FER1L6: variants seen among roughly 807,000 people sequenced by gnomAD.
FER1L6 encodes the protein fer-1 like family member 6, also known as fer-1-like protein 6.
In FER1L6, 177 loss-of-function variants were observed where a neutral mutation model predicts 219.2. That is an observed-to-expected ratio of 0.81 (90% CI 0.71 to 0.91). The LOEUF is 0.91. Among genes scored for constraint, FER1L6 ranks in the 40% least tolerant of loss-of-function variants. The pLI is 0.00. For synonymous variants in FER1L6, 768 were observed against 824.3 expected (o/e 0.93, Z 1.17); for missense variants, 2,153 against 2,259.9 (o/e 0.95, Z 0.96).
intron 1 of FER1L6, among the ~76,000 whole-genome samples, chr8:123,932,485 A>G (rs1026132747): frequency 6.6e-6 from 1 of 152,210 alleles, no homozygotes; most frequent in African/African-American, 2.4e-5. Flanking sequence ...CATAAGTTTT[A>G]ATATAAATTC....
chr8:123,916,707 G>A (rs1164744652), intron 1 of FER1L6, among the ~76,000 whole-genome samples: 2 of 152,162 alleles, frequency 1.3e-5, no homozygotes, highest in Non-Finnish European at 2.9e-5. Flanking sequence ...CATTTGGATG[G>A]TTATATTAGT....
chr8:123,938,055 T>C (rs959858461), intron 1 of FER1L6, among the ~76,000 whole-genome samples: 1 of 152,228 alleles, frequency 6.6e-6, no homozygotes, highest in Non-Finnish European at 1.5e-5. Flanking sequence ...TATTACATTG[T>C]AGGTCATCAA....
chr8:124,022,767 A>G (rs1202150974), intron 17 of FER1L6, among the ~76,000 whole-genome samples: 5 of 152,196 alleles, frequency 3.3e-5, no homozygotes, highest in Non-Finnish European at 7.3e-5. Context: ...CATTATTACA[A>G]GATTGGAAAA....
rs1018495793 is a variant in FER1L6, at chr8:124,071,650, C to T, written c.4092+19C>T. The T allele has an allele frequency of 6.2e-7, 1 of 1,606,094 alleles. No individual in the cohort carries two copies. Among genetic ancestry groups the T allele is most frequent in the Admixed American group, 1.7e-5 (1 of 59,838 alleles). ...TGTCGCGGTGAGCCATTCTTGTTTG[C>T]TCTGAGGGGGTGTATTTATCTGCTC... On this transcript the variant is annotated intron_variant, in intron 31 of 40. Coordinates refer to ENST00000522917, the MANE Select transcript of FER1L6 (RefSeq NM_001039112.2).
intron 1 of FER1L6, among the ~76,000 whole-genome samples, chr8:123,947,460 T>C (rs1814552075): frequency 6.6e-6 from 1 of 152,200 alleles, no homozygotes; most frequent in South Asian, 2.1e-4. Context: ...CTTTTGCCTG[T>C]GTTCTCATTC....
chr8:124,020,730 C>G (rs983821482), intron 16 of FER1L6, among the ~76,000 whole-genome samples: 1 of 152,074 alleles, frequency 6.6e-6, no homozygotes, highest in African/African-American at 2.4e-5. Flanking sequence ...GCTTCCTCAG[C>G]TGTAAAATGG....
chr8:124,012,815 G>C (rs1220766297), intron 14 of FER1L6, among the ~76,000 whole-genome samples: 1 of 152,186 alleles, frequency 6.6e-6, no homozygotes, highest in African/African-American at 2.4e-5. Context: ...TTCTAGCAAA[G>C]GAGTAGTAAC....
chr8:123,939,088 T>G (rs554480839), intron 1 of FER1L6: 1 of 756,334 alleles, frequency 1.3e-6, no homozygotes, highest in Non-Finnish European at 1.6e-6. Context: ...TGAGGCTGTG[T>G]AGTAATGCCA....
rs144050772 is a variant in FER1L6, at chr8:124,039,639, A to G, written c.2465-243A>G. ...CTATTTCGCATGGTTTTAGTGAAGA[A>G]TAAGACACATAACCTGGTGAAAGCA... On this transcript the variant is annotated intron_variant, in intron 19 of 40. Transcript: ENST00000522917. Among the ~76,000 whole-genome samples, 709 of 152,330 alleles carry G rather than the reference A, an allele frequency of 4.7e-3. 5 individuals carry two copies. Among genetic ancestry groups the G allele is most frequent in the African/African-American group, 0.016 (685 of 41,580 alleles).
intron 34 of FER1L6, among the ~76,000 whole-genome samples, chr8:124,093,216 C>T (rs748103668): frequency 6.6e-6 from 1 of 151,954 alleles, no homozygotes; most frequent in Non-Finnish European, 1.5e-5. Flanking sequence ...TGAGAAACTG[C>T]CCCCATGATC....
Position 123,898,148 on chromosome 8 carries a change from GTTA to G in FER1L6, c.-8+45968_-8+45970del, listed in dbSNP as rs572440727. ...ATTTAAGTGTAAAAATAAAAAATCA[GTTA>G]TTATATATGTTTTAACAGATTTTTC... is the stretch of plus-strand genomic sequence containing the variant. On this transcript the variant is annotated intron_variant, in intron 1 of 40. Coordinates refer to ENST00000522917, the MANE Select transcript of FER1L6 (RefSeq NM_001039112.2). Among the ~76,000 whole-genome samples, 754 of 152,116 alleles carry G rather than the reference GTTA, an allele frequency of 5.0e-3. 2 individuals are homozygous for G. The highest frequency in any genetic ancestry group is 0.017 in the Middle Eastern group (5 of 294).
chr8:123,905,208 A>G (rs766403266), intron 1 of FER1L6, among the ~76,000 whole-genome samples: 1 of 152,104 alleles, frequency 6.6e-6, no homozygotes, highest in African/African-American at 2.4e-5. Flanking sequence ...TCCCACATGC[A>G]TTATCTATTT....
intron 39 of FER1L6, among the ~76,000 whole-genome samples, chr8:124,110,788 A>G (rs987135964): frequency 2.0e-5 from 3 of 152,176 alleles, no homozygotes; most frequent in African/African-American, 7.2e-5. Context: ...ATGTTACTTG[A>G]TTAGTTTTAT....
At chr8:123,986,284 T>C (rs2130374884) in intron 12 of FER1L6, 108 bp downstream of exon 12, 1 of 650,082 alleles carries the variant, frequency 1.5e-6, no homozygotes, top group Non-Finnish European at 2.7e-6. Context: ...CTGGTGGAGG[T>C]TTGCATCTCA....
chr8:123,897,436 A>G (rs1314522946), intron 1 of FER1L6, among the ~76,000 whole-genome samples: 21 of 152,232 alleles, frequency 1.4e-4, no homozygotes, highest in Admixed American at 1.3e-3. Flanking sequence ...TGCAGGTTCT[A>G]GAATCTGTTG....
intron 25 of FER1L6, 85 bp downstream of exon 25, chr8:124,062,117 G>A (rs1820614090): frequency 1.4e-6 from 2 of 1,444,426 alleles, no homozygotes; most frequent in Admixed American, 3.6e-5. Context: ...GGCTCAAAGA[G>A]GATGCCCCAC....
intron 39 of FER1L6, among the ~76,000 whole-genome samples, chr8:124,117,920 G>T (rs1823317728): frequency 6.6e-6 from 1 of 152,046 alleles, no homozygotes; most frequent in African/African-American, 2.4e-5. Context: ...TGATTCAGAG[G>T]AAGAAGCTTT....
chr8:123,931,707 TCAA>T (rs1813777025), intron 1 of FER1L6, among the ~76,000 whole-genome samples: 2 of 152,240 alleles, frequency 1.3e-5, no homozygotes, highest in African/African-American at 2.4e-5. Context: ...AGTGACATCA[TCAA>T]CAATTCATTA....
At chr8:123,921,141 C>G (rs1293666599) in intron 1 of FER1L6, among the ~76,000 whole-genome samples, 1 of 152,132 alleles carries the variant, frequency 6.6e-6, no homozygotes, top group East Asian at 1.9e-4. Flanking sequence ...AGTGCTGTTA[C>G]AAATATGGGT....
Sources: allele counts gnomAD v4.1 joint callset (sites outside exome capture counted in the v4.1 genomes callset), GRCh38; gene constraint gnomAD v4.1.1; transcripts MANE v1.5; gene names NCBI Gene and HGNC (gene_info 2026-07-23, HGNC 2026-07-21).